The following TSNARE1 variants were observed in gnomAD, a reference collection of about 807,000 sequenced individuals.
TSNARE1 encodes t-SNARE domain containing 1.
TSNARE1 carries 49 observed loss-of-function variants against 62.0 expected under a neutral mutation model. The observed-to-expected ratio is 0.79, with a 90% CI of 0.63 to 1.00. The LOEUF is 1.00. TSNARE1 is among the 50% of genes least tolerant of loss of function. The pLI, the probability that TSNARE1 is intolerant of heterozygous loss-of-function variation, is 0.00. For missense variants in TSNARE1, 755 were observed against 700.1 expected (o/e 1.08, Z -0.88); for synonymous variants, 328 against 294.4 (o/e 1.11, Z -1.17).
chr8:142,291,326 G>C lies in TSNARE1; in HGVS notation c.1291-6841C>G, dbSNP rs1476648097. 2.0e-5 allele frequency among the ~76,000 whole-genome samples: 3 copies of C among 152,098 alleles called. No homozygotes were observed. The highest frequency in any genetic ancestry group is 7.2e-5 in the African/African-American group (3 of 41,418). On this transcript the variant is annotated intron_variant, in intron 10 of 13. Coordinates refer to ENST00000524325, the MANE Select transcript of TSNARE1 (RefSeq NM_145003.5). The surrounding 1 kb of genome is among the most constrained non-coding windows in gnomAD (Gnocchi z 4.8). ...CAGCTCCATGGCGTGTGAGCTGTGT[G>C]ACCCTGGGCAAGCGATGGGCCTGCT...
intron 12 of TSNARE1, among the ~76,000 whole-genome samples, chr8:142,241,934 C>CT (rs1411314954): frequency 6.8e-6 from 1 of 147,300 alleles, no homozygotes; most frequent in Non-Finnish European, 1.5e-5. Flanking sequence ...CAACAATCAA[C>CT]TCAAAATGGC....
At chr8:142,307,234 G>A (rs563172347) in intron 9 of TSNARE1, among the ~76,000 whole-genome samples, 3 of 152,296 alleles carry the variant, frequency 2.0e-5, no homozygotes, top group African/African-American at 7.2e-5. Flanking sequence ...AGTGGGCGTG[G>A]TGGCCACAGC....
chr8:142,318,991 C>T (rs1476775007), intron 6 of TSNARE1, among the ~76,000 whole-genome samples: 1 of 151,474 alleles, frequency 6.6e-6, no homozygotes, highest in East Asian at 1.9e-4. Flanking sequence ...GGCAGACACC[C>T]AGCAAGAGAC....
chr8:142,232,879 C>T (rs1054325042), intron 12 of TSNARE1, among the ~76,000 whole-genome samples: 1 of 152,238 alleles, frequency 6.6e-6, no homozygotes, highest in African/African-American at 2.4e-5. Flanking sequence ...CCCCAACTTC[C>T]GCATCAGCTG....
chr8:142,343,467 G>A (rs962011555), intron 4 of TSNARE1, among the ~76,000 whole-genome samples: 2 of 151,732 alleles, frequency 1.3e-5, no homozygotes, highest in South Asian at 2.1e-4. Context: ...AGGCAGCAAC[G>A]GCAAATGCCC....
intron 4 of TSNARE1, among the ~76,000 whole-genome samples, chr8:142,340,099 G>A (rs1055037602): frequency 3.3e-5 from 5 of 152,220 alleles, no homozygotes; most frequent in Non-Finnish European, 7.3e-5. Context: ...GCTCCAGGAA[G>A]GCGGACGGCA....
intron 2 of TSNARE1, among the ~76,000 whole-genome samples, chr8:142,348,942 C>T (rs1441676697): frequency 6.6e-6 from 1 of 152,168 alleles, no homozygotes; most frequent in Non-Finnish European, 1.5e-5. Context: ...CTTTGGCACA[C>T]AGCAGGGACT....
chr8:142,317,462 T>C (rs1003014936), intron 7 of TSNARE1, among the ~76,000 whole-genome samples: 1 of 151,810 alleles, frequency 6.6e-6, no homozygotes, highest in African/African-American at 2.4e-5. Flanking sequence ...CGGCTCACAC[T>C]GTATACATGA....
chr8:142,327,986 G>A lies in TSNARE1; in HGVS notation c.893+2915C>T, dbSNP rs1254428747. On this transcript the variant is annotated intron_variant, in intron 6 of 13. Coordinates refer to ENST00000524325, the MANE Select transcript of TSNARE1 (RefSeq NM_145003.5). The stretch of plus-strand genomic sequence containing the variant: ...TACACCCTCACCACACTGGGGAGGT[G>A]AGAGGGAGGCATCGCTGCATGCCCC... Among the ~76,000 whole-genome samples the A allele has an allele frequency of 3.3e-5, 5 of 152,224 alleles. No homozygotes were observed. In the East Asian group the frequency reaches 9.7e-4, roughly 29 times the overall value.
chr8:142,341,803 C>A (rs946196716), intron 4 of TSNARE1, among the ~76,000 whole-genome samples: 1 of 152,206 alleles, frequency 6.6e-6, no homozygotes, highest in African/African-American at 2.4e-5. Context: ...TCCACCATCC[C>A]GTTAATTACC....
chr8:142,298,415 C>T (rs1825123879), intron 10 of TSNARE1, among the ~76,000 whole-genome samples: 3 of 152,132 alleles, frequency 2.0e-5, no homozygotes, highest in Admixed American at 2.0e-4. Flanking sequence ...GGTGGCTGCA[C>T]CGGGCACGAG....
chr8:142,290,011 T>TG (rs912885471), intron 10 of TSNARE1, among the ~76,000 whole-genome samples: 28 of 152,214 alleles, frequency 1.8e-4, no homozygotes, highest in African/African-American at 6.5e-4. Context: ...CCAGGCACTG[T>TG]GGGCCCTGGG....
At chr8:142,252,505 C>T (rs945193288) in intron 12 of TSNARE1, among the ~76,000 whole-genome samples, 4 of 152,244 alleles carry the variant, frequency 2.6e-5, no homozygotes, top group Non-Finnish European at 4.4e-5. Context: ...AAGCGGCAGC[C>T]GCCTGTGCCC....
At chr8:142,356,157 C>G (rs945297863) in intron 1 of TSNARE1, among the ~76,000 whole-genome samples, 4 of 152,222 alleles carry the variant, frequency 2.6e-5, no homozygotes, top group African/African-American at 9.6e-5. Flanking sequence ...ACAGTCGTGG[C>G]ACCCTCCGGG....
Position 142,345,794 on chromosome 8 carries a change from C to T in TSNARE1, c.187G>A (p.Gly63Ser). 1.9e-6 allele frequency: 3 copies of T among 1,613,854 alleles called. No individual in the cohort carries two copies. The highest frequency in any genetic ancestry group is 2.5e-6 in the Non-Finnish European group (3 of 1,179,850). ...QNRCVGKDGEGDLGPAGTPIV... is the reference protein window; with the variant it reads ...QNRCVGKDGESDLGPAGTPIV... ...GGCGTGCCTGCTGGCCCCAGATCAC[C>T]TTCCCCGTCCTTCCCCACACAGCGG... is the stretch of plus-strand genomic sequence containing the variant. Residue 63 changes from glycine to serine, a missense_variant, in exon 3 of 14, where the codon GGT (glycine) becomes AGT (serine). By Grantham distance (56) the Gly-to-Ser change is moderately conservative. Coordinates refer to ENST00000524325, the MANE Select transcript of TSNARE1 (RefSeq NM_145003.5).
chr8:142,405,602 C>T (rs1838573211), upstream of TSNARE1: 1 of 152,206 alleles, frequency 6.6e-6, no homozygotes. Context: ...AGAAATGCTC[C>T]CTCTCTGAAT....
chr8:142,380,080 T>C (rs745816216), intron 1 of TSNARE1, among the ~76,000 whole-genome samples: 14 of 148,340 alleles, frequency 9.4e-5, no homozygotes, highest in Non-Finnish European at 1.8e-4. Flanking sequence ...ACAACAACAA[T>C]AAGAGTGGGG....
At chr8:142,313,690 T>C (rs894728691) in intron 9 of TSNARE1, among the ~76,000 whole-genome samples, 29 of 152,364 alleles carry the variant, frequency 1.9e-4, no homozygotes, top group African/African-American at 7.0e-4. Context: ...TGTTTATCTC[T>C]GTGCATCTGT....
intron 13 of TSNARE1, among the ~76,000 whole-genome samples, chr8:142,214,230 C>T (rs1046502675): frequency 2.0e-5 from 3 of 152,204 alleles, no homozygotes; most frequent in Non-Finnish European, 4.4e-5. Context: ...AGGGCTGCAG[C>T]TGGAGTCAGG....
Sources: allele counts gnomAD v4.1 joint callset (sites outside exome capture counted in the v4.1 genomes callset), GRCh38; gene constraint gnomAD v4.1.1; non-coding constraint Gnocchi (gnomAD v3.1); transcripts MANE v1.5; gene names NCBI Gene and HGNC (gene_info 2026-07-23, HGNC 2026-07-21).